The following CAPZA1 variants were observed in gnomAD, a reference collection of about 807,000 sequenced individuals.
CAPZA1 encodes the protein F-actin-capping protein subunit alpha-1.
In CAPZA1, 10 loss-of-function variants were observed where a neutral mutation model predicts 40.8. The ratio of observed to expected loss-of-function variants is 0.25; its 90% CI spans 0.15 to 0.42. The LOEUF is 0.42. Ranked by LOEUF, CAPZA1 falls within the 10% of genes least tolerant of loss-of-function variation. The probability of loss-of-function intolerance (pLI) is 1.00; values close to 1 mark genes in which losing one functional copy is unlikely to be tolerated. For synonymous variants in CAPZA1, 98 were observed against 115.0 expected (o/e 0.85, Z 0.95); for missense variants, 277 against 353.8 (o/e 0.78, Z 1.74).
chr1:112,667,913 T>C (rs186723065), intron 8 of CAPZA1, among the ~76,000 whole-genome samples: 2 of 152,272 alleles, frequency 1.3e-5, no homozygotes, highest in East Asian at 1.9e-4. Context: ...CTTTAAGTTA[T>C]TAGAAGTTAT....
At chr1:112,649,503 C>G in intron 3 of CAPZA1, 34 bp downstream of exon 3, 2 of 1,490,122 alleles carry the variant, frequency 1.3e-6, no homozygotes, top group Non-Finnish European at 1.9e-6. Context: ...TAGAATGTTA[C>G]TCTAACATTG....
chr1:112,667,098 G>A lies in CAPZA1; in HGVS notation c.610G>A (p.Val204Ile). The A allele has an allele frequency of 6.2e-7, 1 of 1,612,600 alleles. No individual in the cohort carries two copies. The highest frequency in any genetic ancestry group is 8.5e-7 in the Non-Finnish European group (1 of 1,179,368). Residue 204 changes from valine (V) to isoleucine (I), a missense_variant, in exon 8 of 10, where the codon GTT becomes ATT. Around this residue, in one of 2 missense-constraint regions of CAPZA1, gnomAD observed 192 missense variants for 277.2 expected, o/e 0.69. Coordinates refer to ENST00000263168, the MANE Select transcript of CAPZA1 (RefSeq NM_006135.3). ...IQVHYYEDGN[V>I]QLVSHKDVQD... ...GGTTCACTATTATGAAGATGGCAATGTTCAGTTGGTTAGTCATAAAGATGT... is the reference window on the plus strand; with the variant it reads ...GGTTCACTATTATGAAGATGGCAATATTCAGTTGGTTAGTCATAAAGATGT...
At chr1:112,666,028 G>A (rs1467623453) in intron 7 of CAPZA1, among the ~76,000 whole-genome samples, 2 of 152,024 alleles carry the variant, frequency 1.3e-5, no homozygotes, top group East Asian at 3.9e-4. Context: ...CCTAAGATGG[G>A]GATCTTGCTA....
rs1173600390 is a variant in CAPZA1, at chr1:112,659,831, T to G, written c.585+52T>G. On this transcript the variant is annotated intron_variant, in intron 7 of 9. Coordinates refer to ENST00000263168, the MANE Select transcript of CAPZA1 (RefSeq NM_006135.3). ...TAAAACTTCACATCTTTAAAACATG[T>G]GCAGGTTGCTTTGGTATTAAATAAG... 3.5e-6 allele frequency: 5 copies of G among 1,408,654 alleles called. No homozygotes were observed. The East Asian group carries it at 9.4e-5, about 26-fold the overall frequency. The allele number at this position is 1,408,654 out of a possible 1,614,324, so 87.3% of individuals were successfully genotyped here.
chr1:112,652,842 G>A (rs1671421592), intron 3 of CAPZA1, among the ~76,000 whole-genome samples: 1 of 152,108 alleles, frequency 6.6e-6, no homozygotes, highest in South Asian at 2.1e-4. Context: ...GTATTAGAGA[G>A]CCATTAAAAA....
chr1:112,620,053 C>A, intron 1 of CAPZA1, 170 bp downstream of exon 1: 1 of 573,070 alleles, frequency 1.7e-6, no homozygotes, highest in Non-Finnish European at 3.1e-6. Context: ...TTTCCTCTGC[C>A]TCACGGTGGC....
intron 1 of CAPZA1, among the ~76,000 whole-genome samples, chr1:112,643,228 A>G (rs1040216741): frequency 2.6e-5 from 4 of 152,198 alleles, no homozygotes; most frequent in Non-Finnish European, 4.4e-5. Context: ...CTTTATTGTA[A>G]CGGTTAGTCC....
At chr1:112,630,856 G>A (rs1670905747) in intron 1 of CAPZA1, among the ~76,000 whole-genome samples, 1 of 152,206 alleles carries the variant, frequency 6.6e-6, no homozygotes, top group Admixed American at 6.5e-5. Context: ...CAGTGGTAAA[G>A]TATACAGAGA....
At chr1:112,650,886 G>A (rs1671374358) in intron 3 of CAPZA1, among the ~76,000 whole-genome samples, 1 of 152,160 alleles carries the variant, frequency 6.6e-6, no homozygotes, top group Non-Finnish European at 1.5e-5. Context: ...TTCTTTAATT[G>A]CACTGACACT....
chr1:112,645,736 C>CAAAAAA (rs34728417), intron 1 of CAPZA1, among the ~76,000 whole-genome samples: 4 of 107,008 alleles, frequency 3.7e-5, no homozygotes, highest in African/African-American at 6.6e-5. Context: ...CTTGCCAGTG[C>CAAAAAA]AAAAAAAAAA....
intron 7 of CAPZA1, among the ~76,000 whole-genome samples, chr1:112,662,564 A>C (rs889232353): frequency 6.6e-6 from 1 of 151,598 alleles, no homozygotes. Flanking sequence ...ATACCTGGCT[A>C]ATTTTTTGTA....
intron 3 of CAPZA1, chr1:112,649,761 G>T (rs554646824): frequency 7.7e-6 from 3 of 391,790 alleles, no homozygotes; most frequent in South Asian, 3.8e-5. Context: ...GTTCTAGTTC[G>T]TGTTGAATTT....
chr1:112,639,516 G>C (rs1671090564), intron 1 of CAPZA1, among the ~76,000 whole-genome samples: 1 of 151,992 alleles, frequency 6.6e-6, no homozygotes, highest in African/African-American at 2.4e-5. Flanking sequence ...AATTTTTTAA[G>C]CATGAGGTAC....
intron 1 of CAPZA1, among the ~76,000 whole-genome samples, chr1:112,641,964 C>T (rs1054454181): frequency 6.8e-6 from 1 of 146,720 alleles, no homozygotes; most frequent in Non-Finnish European, 1.5e-5. Context: ...TTACATTTAA[C>T]ATAGTTATTT....
intron 1 of CAPZA1, among the ~76,000 whole-genome samples, chr1:112,644,213 CAG>C (rs1468618220): frequency 4.3e-5 from 1 of 23,330 alleles, no homozygotes; most frequent in Non-Finnish European, 7.2e-5. Flanking sequence ...TTTTTTGAGA[CAG>C]AGTCTCCCAC....
intron 8 of CAPZA1, among the ~76,000 whole-genome samples, chr1:112,668,228 A>G (rs1341201855): frequency 6.6e-6 from 1 of 152,136 alleles, no homozygotes; most frequent in Non-Finnish European, 1.5e-5. Context: ...GTGAGCCAAG[A>G]TCGTGCCACT....
In CAPZA1 at chr1:112,656,860, A is replaced by T. The variant is rs1283865192; in HGVS notation, c.427-2162A>T. 1.1e-4 allele frequency among the ~76,000 whole-genome samples: 16 copies of T among 151,656 alleles called. 1 individual carries two copies. Among genetic ancestry groups the T allele is most frequent in the Admixed American group, 1.1e-3 (16 of 15,214 alleles). On this transcript the variant is annotated intron_variant, in intron 5 of 9. Coordinates refer to ENST00000263168, the MANE Select transcript of CAPZA1 (RefSeq NM_006135.3). ...CATTTTTCATTGTCCTCTGACAGGC[A>T]TCTAATCCCCCATGTTTTGTAAGGA... is the stretch of plus-strand genomic sequence containing the variant.
intron 5 of CAPZA1, among the ~76,000 whole-genome samples, chr1:112,656,196 AC>A (rs1671496528): frequency 6.6e-6 from 1 of 152,184 alleles, no homozygotes; most frequent in Non-Finnish European, 1.5e-5. Context: ...TTGAAGCCTT[AC>A]TAACTGGTTT....
intron 5 of CAPZA1, among the ~76,000 whole-genome samples, chr1:112,658,152 A>G (rs1671535045): frequency 3.3e-5 from 5 of 152,242 alleles, no homozygotes; most frequent in Admixed American, 3.3e-4. Flanking sequence ...ACATGTAAGA[A>G]CATATTTTGT....
Sources: gnomAD v4.1 joint callset for allele counts (sites outside exome capture counted in the v4.1 genomes callset) on GRCh38, gnomAD v4.1.1 for gene constraint, gnomAD v4.1.1 regional missense constraint, MANE v1.5 for transcripts, NCBI Gene and HGNC (gene_info 2026-07-23, HGNC 2026-07-21) for gene names.